Variants in KIAA1217 observed in about 807,000 individuals in gnomAD.
The protein encoded by KIAA1217 is sickle tail protein homolog.
Under a neutral mutation model 163.9 loss-of-function variants are expected in KIAA1217, and 88 were observed. The ratio of observed to expected loss-of-function variants is 0.54; its 90% CI spans 0.45 to 0.64. The LOEUF is 0.64. Ranked by LOEUF, KIAA1217 falls within the 30% of genes least tolerant of loss-of-function variation. The pLI, the probability that KIAA1217 is intolerant of heterozygous loss-of-function variation, is 0.00. For synonymous variants in KIAA1217, 903 were observed against 923.1 expected (o/e 0.98, Z 0.39); for missense variants, 2,372 against 2,475.0 (o/e 0.96, Z 0.88).
chr10:24,013,196 C>A (rs1847317075), intron 2 of KIAA1217, among the ~76,000 whole-genome samples: 1 of 151,912 alleles, frequency 6.6e-6, no homozygotes, highest in Admixed American at 6.6e-5. Flanking sequence ...TACTGAAGTA[C>A]CGTCCAGTGT....
In KIAA1217 at chr10:24,536,850, A is replaced by G; in HGVS notation, c.3491A>G (p.Lys1164Arg). ...CCATCCCGGGCTGACAGTCACGTTAAAGACACTAGGTCGGGCGCCACAGTG... is the reference window on the plus strand; with the variant it reads ...CCATCCCGGGCTGACAGTCACGTTAGAGACACTAGGTCGGGCGCCACAGTG... Reference protein sequence around the residue: ...AEPSRADSHVKDTRSGATVPP... With the variant: ...AEPSRADSHVRDTRSGATVPP... Residue 1164 changes from lysine (K) to arginine (R), a missense_variant, in exon 17 of 21, where the codon AAA (lysine) becomes AGA (arginine). Lys to Arg is a conservative substitution (Grantham distance 26, BLOSUM62 2). Around this residue, in one of 3 missense-constraint regions of KIAA1217, gnomAD observed 251 missense variants for 327.3 expected, o/e 0.77. Transcript: ENST00000376454. 1 of 1,614,106 alleles carries G rather than the reference A, an allele frequency of 6.2e-7. No individual in the cohort carries two copies.
chr10:24,010,821 C>T (rs956072984), intron 2 of KIAA1217, among the ~76,000 whole-genome samples: 21 of 152,112 alleles, frequency 1.4e-4, no homozygotes, highest in African/African-American at 4.8e-4. Flanking sequence ...AGGCATCTGT[C>T]ACCCCAAATA....
intron 1 of KIAA1217, among the ~76,000 whole-genome samples, chr10:23,853,386 C>G (rs1839462455): frequency 6.6e-6 from 1 of 152,080 alleles, no homozygotes; most frequent in Non-Finnish European, 1.5e-5. Flanking sequence ...GTTGGATAAG[C>G]TTTTTGATGT....
chr10:24,211,735 G>C (rs544031765), intron 1 of KIAA1217, among the ~76,000 whole-genome samples: 1 of 152,022 alleles, frequency 6.6e-6, no homozygotes, highest in African/African-American at 2.4e-5. Context: ...AGGCCTTTAG[G>C]AAGCTTCTGC....
intron 1 of KIAA1217, among the ~76,000 whole-genome samples, chr10:23,847,316 G>C (rs921571832): frequency 6.6e-6 from 1 of 152,128 alleles, no homozygotes; most frequent in Non-Finnish European, 1.5e-5. Flanking sequence ...AATGGTAGCA[G>C]CTCCTCCTTG....
intron 5 of KIAA1217, among the ~76,000 whole-genome samples, chr10:24,470,935 G>A (rs964539820): frequency 3.9e-5 from 6 of 152,248 alleles, no homozygotes; most frequent in South Asian, 2.1e-4. Context: ...TCTTATCTAC[G>A]AAGTTTAAGA....
chr10:24,295,567 C>G (rs1277449484), intron 2 of KIAA1217, among the ~76,000 whole-genome samples: 1 of 152,134 alleles, frequency 6.6e-6, no homozygotes, highest in Non-Finnish European at 1.5e-5. Context: ...CAGTTCTAGA[C>G]TTCTTGATTT....
chr10:23,986,880 A>G (rs1845992266), intron 1 of KIAA1217, among the ~76,000 whole-genome samples: 1 of 152,202 alleles, frequency 6.6e-6, no homozygotes, highest in Admixed American at 6.5e-5. Context: ...GTCAGAGTCA[A>G]TGCTAGTGGC....
intron 1 of KIAA1217, among the ~76,000 whole-genome samples, chr10:23,718,032 T>C (rs993071807): frequency 6.6e-6 from 1 of 152,232 alleles, no homozygotes; most frequent in Non-Finnish European, 1.5e-5. Context: ...TTCTATTGGT[T>C]CGTCTAAGTC....
chr10:24,352,894 T>C (rs897923908), intron 2 of KIAA1217, among the ~76,000 whole-genome samples: 1 of 152,058 alleles, frequency 6.6e-6, no homozygotes, highest in Non-Finnish European at 1.5e-5. Flanking sequence ...AATGTGGCTT[T>C]ATAGGGGCTT....
chr10:24,312,223 A>C (rs777419473), intron 2 of KIAA1217, among the ~76,000 whole-genome samples: 1 of 152,090 alleles, frequency 6.6e-6, no homozygotes, highest in Non-Finnish European at 1.5e-5. Context: ...TCATTCAGGA[A>C]AAACAGATAT....
intron 1 of KIAA1217, among the ~76,000 whole-genome samples, chr10:23,875,559 A>G (rs190785778): frequency 1.2e-3 from 187 of 152,108 alleles, no homozygotes; most frequent in African/African-American, 4.1e-3. Context: ...AAGGATGTAG[A>G]ACTAGAAATA....
intron 2 of KIAA1217, among the ~76,000 whole-genome samples, chr10:24,059,271 C>G (rs1454734110): frequency 1.3e-5 from 2 of 152,052 alleles, no homozygotes; most frequent in African/African-American, 2.4e-5. Flanking sequence ...GTGTTGAATT[C>G]AGTTCGCTAG....
intron 1 of KIAA1217, among the ~76,000 whole-genome samples, chr10:23,816,230 A>T (rs1416003151): frequency 6.6e-6 from 1 of 152,112 alleles, no homozygotes; most frequent in Non-Finnish European, 1.5e-5. Flanking sequence ...TTTTGCAAAC[A>T]TTACTTTGAT....
intron 6 of KIAA1217, chr10:24,482,444 G>A (rs1461063260): frequency 6.6e-6 from 1 of 152,220 alleles, no homozygotes; most frequent in Admixed American, 6.5e-5. Flanking sequence ...CTCCTGAAAA[G>A]ATGACAAAAT....
intron 2 of KIAA1217, among the ~76,000 whole-genome samples, chr10:24,281,355 C>T (rs1296876095): frequency 6.6e-6 from 1 of 152,088 alleles, no homozygotes; most frequent in Non-Finnish European, 1.5e-5. Context: ...TAACCCATGC[C>T]CTGTGGGAAA....
intron 1 of KIAA1217, among the ~76,000 whole-genome samples, chr10:23,824,651 TAA>T (rs1202271522): frequency 1.1e-4 from 8 of 72,378 alleles, no homozygotes; most frequent in Admixed American, 2.3e-4. Context: ...AAAAAAAAAA[TAA>T]AAAAAATATA....
chr10:23,830,643 C>A (rs188231706), intron 1 of KIAA1217, among the ~76,000 whole-genome samples: 1 of 150,870 alleles, frequency 6.6e-6, no homozygotes, highest in Admixed American at 6.6e-5. Flanking sequence ...AGATGATAGA[C>A]GATTGATAGA....
chr10:24,361,268 C>T (rs1163494489), intron 2 of KIAA1217, among the ~76,000 whole-genome samples: 1 of 152,080 alleles, frequency 6.6e-6, no homozygotes, highest in Non-Finnish European at 1.5e-5. Flanking sequence ...GTCACTGAAG[C>T]CTCAACCTAC....
Sources: allele counts gnomAD v4.1 joint callset (sites outside exome capture counted in the v4.1 genomes callset), GRCh38; gene constraint gnomAD v4.1.1; regional missense constraint gnomAD v4.1.1; transcripts MANE v1.5; gene names NCBI Gene and HGNC (gene_info 2026-07-23, HGNC 2026-07-21).